CBLB: variants seen among roughly 807,000 people sequenced by gnomAD.
The protein encoded by CBLB is Cbl proto-oncogene B.
A neutral mutation model predicts 104.9 loss-of-function variants in CBLB; 31 were observed. The observed-to-expected ratio is 0.30, with a 90% CI of 0.22 to 0.40. The LOEUF (loss-of-function observed/expected upper bound fraction) is 0.40, where lower values mean the gene tolerates loss of function less well. Ranked by LOEUF, CBLB falls within the 10% of genes least tolerant of loss-of-function variation. The pLI is 1.00. For missense variants in CBLB, 1,062 were observed against 1,214.6 expected, an observed-to-expected ratio of 0.87 and a Z score of 1.87; for synonymous variants, 440 against 422.6, an observed-to-expected ratio of 1.04 and a Z score of -0.51.
chr3:105,815,639 C>T (rs964776080), intron 3 of CBLB, among the ~76,000 whole-genome samples: 10 of 152,128 alleles, frequency 6.6e-5, no homozygotes, highest in Admixed American at 5.2e-4. Flanking sequence ...GACAGTGTGG[C>T]GATTCCTCAA....
intron 1 of CBLB, among the ~76,000 whole-genome samples, chr3:105,867,830 A>G (rs1215744093): frequency 6.6e-6 from 1 of 151,916 alleles, no homozygotes; most frequent in Non-Finnish European, 1.5e-5. Context: ...TTAAAGATGC[A>G]TCCTGCTCAC....
At chr3:105,736,499 C>G (rs2074957863) in intron 8 of CBLB, among the ~76,000 whole-genome samples, 1 of 152,132 alleles carries the variant, frequency 6.6e-6, no homozygotes. Flanking sequence ...CTGTTCATGA[C>G]TTCACACAAT....
chr3:105,756,522 T>C (rs549401606), intron 4 of CBLB, among the ~76,000 whole-genome samples: 2 of 151,874 alleles, frequency 1.3e-5, no homozygotes, highest in East Asian at 3.9e-4. Context: ...TTATAAAGAG[T>C]CAGTTCTTCC....
intron 12 of CBLB, among the ~76,000 whole-genome samples, chr3:105,696,536 C>G (rs1223773910): frequency 1.3e-5 from 2 of 151,804 alleles, no homozygotes; most frequent in Non-Finnish European, 3.0e-5. Flanking sequence ...CTCAAATGCA[C>G]AGACTGATAG....
rs535903062 is a variant in CBLB, at chr3:105,780,953, G to A, written c.420-4411C>T. Among the ~76,000 whole-genome samples, 145 of 152,058 alleles carry A rather than the reference G, an allele frequency of 9.5e-4. 1 individual carries two copies. Among genetic ancestry groups the A allele is most frequent in the African/African-American group, 3.5e-3 (144 of 41,456 alleles). On this transcript the variant is annotated intron_variant, in intron 3 of 18. Coordinates refer to ENST00000394030, the MANE Select transcript of CBLB (RefSeq NM_170662.5). ...GGGATTATAAGGTGTGAGCCACCAC[G>A]CCTGGCCAATAAAAGCATTTTAAAA...
intron 3 of CBLB, among the ~76,000 whole-genome samples, chr3:105,841,487 G>T (rs1160504971): frequency 6.6e-6 from 1 of 151,536 alleles, no homozygotes; most frequent in Admixed American, 6.6e-5. Context: ...GGGTCTCACT[G>T]TATTGCCCAG....
At chr3:105,780,911 C>T (rs1422102378) in intron 3 of CBLB, among the ~76,000 whole-genome samples, 2 of 151,978 alleles carry the variant, frequency 1.3e-5, no homozygotes, top group South Asian at 2.1e-4. Context: ...CTGCCCGCCT[C>T]GGCCTCCCAA....
intron 18 of CBLB, among the ~76,000 whole-genome samples, chr3:105,665,404 AATAAATAAATAAATATAT>A (rs1344186641): frequency 0.016 from 984 of 62,462 alleles, 22 homozygotes; most frequent in African/African-American, 0.047. Flanking sequence ...TAAATAAATA[AATAAATAAATAAATATAT>A]ATATATATAT....
chr3:105,722,215 A>AAG (rs2072975744), intron 9 of CBLB, among the ~76,000 whole-genome samples: 1 of 149,796 alleles, frequency 6.7e-6, no homozygotes. Flanking sequence ...AAAAAAAAAA[A>AAG]AAAGAAAAGA....
intron 3 of CBLB, among the ~76,000 whole-genome samples, chr3:105,788,939 C>T (rs911022502): frequency 6.6e-6 from 1 of 152,126 alleles, no homozygotes; most frequent in African/African-American, 2.4e-5. Flanking sequence ...CGTAGAAAGA[C>T]CCAAGTATGT....
At chr3:105,679,258 A>T (rs1033214187) in intron 16 of CBLB, among the ~76,000 whole-genome samples, 6 of 149,984 alleles carry the variant, frequency 4.0e-5, no homozygotes, top group Non-Finnish European at 7.4e-5. Flanking sequence ...AGAATATTGC[A>T]GCATAGTTTT....
intron 6 of CBLB, among the ~76,000 whole-genome samples, chr3:105,742,075 ATTTCATT>A (rs1392424322): frequency 6.6e-6 from 1 of 152,210 alleles, no homozygotes; most frequent in Non-Finnish European, 1.5e-5. Context: ...CTATGTACTT[ATTTCATT>A]TTAGATCATT....
In CBLB at chr3:105,681,920, T is replaced by C. The variant is rs56323302; in HGVS notation, c.2202-102A>G. 3,955 of 722,052 alleles carry C rather than the reference T, an allele frequency of 5.5e-3. 105 individuals carry two copies. In the African/African-American group the frequency reaches 0.061, roughly 11 times the overall value. The allele number at this position is 722,052 out of a possible 1,614,324, so 44.7% of individuals were successfully genotyped here. ...TAGTATTCCTGTTTATTTAATAAAGTTTGAACATATATTTTTCTTTTCTCA... is the reference window on the plus strand; with the variant it reads ...TAGTATTCCTGTTTATTTAATAAAGCTTGAACATATATTTTTCTTTTCTCA... On this transcript the variant is annotated intron_variant, in intron 14 of 18. Coordinates refer to ENST00000394030, the MANE Select transcript of CBLB (RefSeq NM_170662.5).
At chr3:105,841,413 A>G (rs2089522762) in intron 3 of CBLB, among the ~76,000 whole-genome samples, 1 of 152,072 alleles carries the variant, frequency 6.6e-6, no homozygotes, top group Non-Finnish European at 1.5e-5. Context: ...GATATATCAA[A>G]TACATAATTT....
At chr3:105,736,280 T>C (rs2074928739) in intron 8 of CBLB, among the ~76,000 whole-genome samples, 1 of 152,224 alleles carries the variant, frequency 6.6e-6, no homozygotes, top group Non-Finnish European at 1.5e-5. Flanking sequence ...TTAAATCTTC[T>C]TACCAGTTTG....
At chr3:105,866,357 T>C (rs950050549) in intron 2 of CBLB, among the ~76,000 whole-genome samples, 4 of 152,226 alleles carry the variant, frequency 2.6e-5, no homozygotes, top group Non-Finnish European at 2.9e-5. Context: ...AAGATGAATG[T>C]TATCACATGA....
chr3:105,780,660 GTTTTTTTTTT>G (rs58640968), intron 3 of CBLB, among the ~76,000 whole-genome samples: 2 of 94,018 alleles, frequency 2.1e-5, no homozygotes, highest in African/African-American at 4.3e-5. Flanking sequence ...TTTGTTTTTT[GTTTTTTTTTT>G]TTTTTTTTTT....
intron 14 of CBLB, 187 bp from the exon 15 acceptor site, chr3:105,682,005 T>A: frequency 1.7e-6 from 1 of 572,262 alleles, no homozygotes. Context: ...GAAGTAAATA[T>A]CTCAAGTAAC....
rs536983389 is a variant in CBLB at position 105,667,710 on chromosome 3, T to C, written c.2689+2523A>G. ...AGAAAACAAGGGAGATATTTTAAAA[T>C]CAATGAAACTACATTTTAAACTTCT... is the stretch of plus-strand genomic sequence containing the variant. On this transcript the variant is annotated intron_variant, in intron 18 of 18. Transcript: ENST00000394030. 3.1e-4 allele frequency among the ~76,000 whole-genome samples: 47 copies of C among 152,284 alleles called. No homozygotes were observed. The Middle Eastern group carries it at 0.017, about 55-fold the overall frequency.
Sources: allele counts gnomAD v4.1 joint callset (sites outside exome capture counted in the v4.1 genomes callset), GRCh38; gene constraint gnomAD v4.1.1; transcripts MANE v1.5; gene names NCBI Gene and HGNC (gene_info 2026-07-23, HGNC 2026-07-21).